Variants in CYB561 observed in about 807,000 individuals in gnomAD.
CYB561 encodes the protein cytochrome b561.
Under a neutral mutation model 25.3 loss-of-function variants are expected in CYB561, and 11 were observed. The observed-to-expected ratio is 0.44, with a 90% CI of 0.27 to 0.72. The LOEUF is 0.72. Among genes scored for constraint, CYB561 ranks in the 30% least tolerant of loss-of-function variants. The probability of loss-of-function intolerance (pLI) is 0.18; values close to 1 mark genes in which losing one functional copy is unlikely to be tolerated. For missense variants in CYB561, 295 were observed against 334.9 expected (o/e 0.88, Z 0.93); for synonymous variants, 165 against 158.8 (o/e 1.04, Z -0.29).
In CYB561 at chr17:63,433,621, G is replaced by T; in HGVS notation, c.*781C>A. 2.6e-6 allele frequency: 1 copy of T among 379,354 alleles called. No homozygotes were observed. The highest frequency in any genetic ancestry group is 4.7e-6 in the Non-Finnish European group (1 of 214,828). The allele number at this position is 379,354 out of a possible 1,614,324, so 23.5% of individuals were successfully genotyped here. ...ACCAGAGCTGAGCCGCAAGGGGGGTGCTACAAGGAGGGAGCCCCAGCAGGA... is the reference window on the plus strand; with the variant it reads ...ACCAGAGCTGAGCCGCAAGGGGGGTTCTACAAGGAGGGAGCCCCAGCAGGA... On this transcript the variant is annotated 3_prime_UTR_variant, in exon 6 of 6. Transcript: ENST00000360793.
At position 63,434,364 on chromosome 17, in the gene CYB561, G is replaced by C; in HGVS notation, c.*38C>G. ...AAGACGCCTCAGCAGGGGCAGGCAA[G>C]AAGACACCCCGCGAACCCCCAGGGC... On this transcript the variant is annotated 3_prime_UTR_variant, in exon 6 of 6. Coordinates refer to ENST00000360793, the MANE Select transcript of CYB561 (RefSeq NM_001915.4). 1 of 1,504,190 alleles carries C rather than the reference G, an allele frequency of 6.6e-7. No homozygotes were observed. The highest frequency in any genetic ancestry group is 8.9e-7 in the Non-Finnish European group (1 of 1,119,782). The allele number at this position is 1,504,190 out of a possible 1,614,324, so 93.2% of individuals were successfully genotyped here.
intron 1 of CYB561, among the ~76,000 whole-genome samples, chr17:63,442,189 GCT>G (rs2049381864): frequency 6.6e-6 from 1 of 152,242 alleles, no homozygotes; most frequent in Non-Finnish European, 1.5e-5. Flanking sequence ...TCTGAGCGTG[GCT>G]CTGTGCTTTA....
chr17:63,444,709 T>C (rs989368369), intron 1 of CYB561, among the ~76,000 whole-genome samples: 1 of 152,194 alleles, frequency 6.6e-6, no homozygotes, highest in Admixed American at 6.5e-5. Context: ...ATTCCCAAAA[T>C]TCATTTATGA....
intron 1 of CYB561, chr17:63,437,960 T>C (rs4968646): frequency 0.32 from 169,655 of 523,086 alleles, 47,309 homozygotes; most frequent in African/African-American, 0.84. Flanking sequence ...GCGCGGCTCC[T>C]CCCACGGCGG....
At chr17:63,440,267 T>G (rs769967788) in intron 1 of CYB561, 2 of 398,700 alleles carry the variant, frequency 5.0e-6, no homozygotes, top group Non-Finnish European at 8.8e-6. Flanking sequence ...AGTTCTCTCA[T>G]GCCCTCCCCA....
chr17:63,436,582 T>C lies in CYB561; in HGVS notation c.203-430A>G, dbSNP rs747818298. The C allele has an allele frequency of 2.0e-4, 35 of 177,236 alleles. 1 individual carries two copies. The highest frequency in any genetic ancestry group is 3.2e-4 in the Non-Finnish European group (26 of 82,018). The allele number at this position is 177,236 out of a possible 1,614,324, so 11.0% of individuals were successfully genotyped here. A position where few individuals can be genotyped will look rare whatever the true frequency, so the allele number is the denominator to read the frequency against. On this transcript the variant is annotated intron_variant, in intron 2 of 5. Transcript: ENST00000360793. The surrounding 1 kb of genome is among the most constrained non-coding windows in gnomAD (Gnocchi z 4.8). ...TCCAGGCTGTGTTTGAGGTCCACTG[T>C]TGGTCACACTGAGGCAACAAGCAGC...
chr17:63,435,042 C>T (rs1403599133), intron 5 of CYB561, 44 bp downstream of exon 5: 1 of 1,587,776 alleles, frequency 6.3e-7, no homozygotes, highest in East Asian at 2.2e-5. Context: ...GAGGTCTGTG[C>T]AAGGGTGGCC....
rs2049299855 is a variant in CYB561, at chr17:63,436,295, A to G, written c.203-143T>C. On this transcript the variant is annotated intron_variant, in intron 2 of 5. Coordinates refer to ENST00000360793, the MANE Select transcript of CYB561 (RefSeq NM_001915.4). The surrounding 1 kb of genome is among the most constrained non-coding windows in gnomAD (Gnocchi z 4.8). The stretch of plus-strand genomic sequence containing the variant: ...GCCTAGCTGCAGGAACCGGAGGAGA[A>G]AGCCAGGTTCCCTGGGGACCCTGGG... The G allele has an allele frequency of 9.0e-7, 1 of 1,111,146 alleles. No homozygotes were observed. The highest frequency in any genetic ancestry group is 1.3e-6 in the Non-Finnish European group (1 of 790,536). The allele number at this position is 1,111,146 out of a possible 1,614,324, so 68.8% of individuals were successfully genotyped here.
intron 1 of CYB561, chr17:63,442,652 AG>A (rs1421419291): frequency 1.3e-5 from 2 of 152,214 alleles, no homozygotes; most frequent in African/African-American, 4.8e-5. Flanking sequence ...GAGCTCACGT[AG>A]CCCCTCACAC....
At chr17:63,444,084 A>G (rs577593673) in intron 1 of CYB561, among the ~76,000 whole-genome samples, 30 of 152,262 alleles carry the variant, frequency 2.0e-4, no homozygotes, top group African/African-American at 6.5e-4. Flanking sequence ...TCCGGGTCCA[A>G]GCAATTCTCC....
intron 1 of CYB561, chr17:63,437,938 G>A: frequency 2.6e-6 from 2 of 761,182 alleles, no homozygotes; most frequent in East Asian, 3.0e-5. Context: ...TAGAGACTGC[G>A]CCTGAGATGC....
At chr17:63,441,368 A>T (rs1299433061) in intron 1 of CYB561, among the ~76,000 whole-genome samples, 2 of 152,224 alleles carry the variant, frequency 1.3e-5, no homozygotes, top group Admixed American at 1.3e-4. Flanking sequence ...CCAATTTGAC[A>T]GGCCAGGAAA....
At chr17:63,435,444 T>G in intron 4 of CYB561, 1 of 675,102 alleles carries the variant, frequency 1.5e-6, no homozygotes, top group Non-Finnish European at 2.5e-6. Flanking sequence ...CTTGAGGCCT[T>G]GGCACACTCA....
chr17:63,445,488 GGAAT>G (rs2049414600), intron 1 of CYB561, among the ~76,000 whole-genome samples: 1 of 151,636 alleles, frequency 6.6e-6, no homozygotes, highest in Non-Finnish European at 1.5e-5. Flanking sequence ...CTGCCAAGGT[GGAAT>G]GAATGAGAGG....
chr17:63,436,175 C>T lies in CYB561; in HGVS notation c.203-23G>A, dbSNP rs775631486. The T allele has an allele frequency of 6.2e-5, 100 of 1,610,388 alleles. 1 individual carries two copies. Among genetic ancestry groups the T allele is most frequent in the South Asian group, 2.7e-4 (25 of 90,962 alleles). ...GGGCTGTGGGAGGTGAGAGAGGGAACGTGAGTGCATCCGCCTGTGCGTGAG... is the reference window on the plus strand; with the variant it reads ...GGGCTGTGGGAGGTGAGAGAGGGAATGTGAGTGCATCCGCCTGTGCGTGAG... On this transcript the variant is annotated intron_variant, in intron 2 of 5. Coordinates refer to ENST00000360793, the MANE Select transcript of CYB561 (RefSeq NM_001915.4). This position sits in a 1 kb window ranked among gnomAD's most constrained non-coding sequence, Gnocchi z 4.8.
At chr17:63,443,510 C>G (rs1165931893) in intron 1 of CYB561, among the ~76,000 whole-genome samples, 1 of 152,230 alleles carries the variant, frequency 6.6e-6, no homozygotes, top group African/African-American at 2.4e-5. Flanking sequence ...TCCCACAAGA[C>G]AGAGGGCTCC....
chr17:63,443,254 G>A (rs942621144), intron 1 of CYB561, among the ~76,000 whole-genome samples: 2 of 152,072 alleles, frequency 1.3e-5, no homozygotes, highest in African/African-American at 4.8e-5. Context: ...TCCTCCCCAC[G>A]CTTGTACCAG....
At chr17:63,435,651 T>G in intron 4 of CYB561, 37 bp downstream of exon 4, 1 of 1,508,166 alleles carries the variant, frequency 6.6e-7, no homozygotes, top group Non-Finnish European at 9.2e-7. Context: ...ACCTCCCTGG[T>G]AGGTGGCCCC....
intron 1 of CYB561, among the ~76,000 whole-genome samples, chr17:63,443,695 A>G (rs1253383904): frequency 1.3e-5 from 2 of 152,220 alleles, no homozygotes; most frequent in South Asian, 2.1e-4. Flanking sequence ...TGGCATGATC[A>G]TAGCTCACAG....
Sources: gnomAD v4.1 joint callset for allele counts (sites outside exome capture counted in the v4.1 genomes callset) on GRCh38, gnomAD v4.1.1 for gene constraint, Gnocchi (gnomAD v3.1) non-coding constraint, MANE v1.5 for transcripts, NCBI Gene and HGNC (gene_info 2026-07-23, HGNC 2026-07-21) for gene names.